Variants in FBXL20 observed in about 807,000 individuals in gnomAD.
FBXL20 encodes the protein F-box and leucine rich repeat protein 20.
Under a neutral mutation model 64.0 loss-of-function variants are expected in FBXL20, and 11 were observed. That is an observed-to-expected ratio of 0.17 (90% CI 0.11 to 0.28). The LOEUF (loss-of-function observed/expected upper bound fraction) is 0.28, where lower values mean the gene tolerates loss of function less well. FBXL20 is among the 10% of genes least tolerant of loss of function. FBXL20 has a pLI of 1.00. For synonymous variants in FBXL20, 184 were observed against 189.0 expected (o/e 0.97, Z 0.22); for missense variants, 303 against 526.2 (o/e 0.58, Z 4.15).
chr17:39,338,943 G>C (rs2047555314), intron 2 of FBXL20, among the ~76,000 whole-genome samples: 2 of 152,110 alleles, frequency 1.3e-5, no homozygotes, highest in Non-Finnish European at 2.9e-5. Flanking sequence ...GAGGTGGACA[G>C]ATCATTCAAG....
chr17:39,283,389 A>C (rs1320516643), intron 7 of FBXL20, among the ~76,000 whole-genome samples: 1 of 152,114 alleles, frequency 6.6e-6, no homozygotes, highest in Non-Finnish European at 1.5e-5. Flanking sequence ...TGAGTGTCAC[A>C]TTGATACTCA....
chr17:39,272,168 C>G (rs555910096), intron 10 of FBXL20, among the ~76,000 whole-genome samples: 1 of 151,812 alleles, frequency 6.6e-6, no homozygotes, highest in African/African-American at 2.4e-5. Flanking sequence ...AGGCGGATCA[C>G]GAGGTCAGGA....
At chr17:39,358,249 T>C (rs568399445) in intron 1 of FBXL20, among the ~76,000 whole-genome samples, 49 of 152,340 alleles carry the variant, frequency 3.2e-4, no homozygotes, top group African/African-American at 1.2e-3. Context: ...GATTGGATGA[T>C]GCTGGCCCAC....
intron 2 of FBXL20, among the ~76,000 whole-genome samples, chr17:39,309,878 G>A (rs1470849782): frequency 1.3e-5 from 2 of 151,520 alleles, no homozygotes; most frequent in Non-Finnish European, 2.9e-5. Context: ...GCCAGGTGTG[G>A]TGGCTCACAC....
intron 5 of FBXL20, 180 bp from the exon 6 acceptor site, chr17:39,297,375 C>A: frequency 5.0e-6 from 2 of 401,410 alleles, no homozygotes; most frequent in South Asian, 1.1e-4. Context: ...TCCCTAAAAT[C>A]TTTGTAATTT....
Position 39,353,686 on chromosome 17 carries a change from A to C in FBXL20, c.43-10445T>G, listed in dbSNP as rs190689848. ...TTGCCAGGCTGGAGTGCAGTGGCAC[A>C]ATCTTGGCTCACTGCAACCTCCACC... On this transcript the variant is annotated intron_variant, in intron 1 of 14. Coordinates refer to ENST00000264658, the MANE Select transcript of FBXL20 (RefSeq NM_032875.3). Among the ~76,000 whole-genome samples the C allele has an allele frequency of 1.2e-3, 184 of 151,926 alleles. 1 individual carries two copies. The highest frequency in any genetic ancestry group is 2.2e-3 in the Non-Finnish European group (152 of 67,980).
chr17:39,310,167 A>G (rs1200856485), intron 2 of FBXL20, among the ~76,000 whole-genome samples: 1 of 149,152 alleles, frequency 6.7e-6, no homozygotes, highest in East Asian at 2.0e-4. Context: ...AAAAAAAAAA[A>G]AGAAAAGAAA....
intron 5 of FBXL20, among the ~76,000 whole-genome samples, chr17:39,298,693 G>T (rs1286638552): frequency 6.6e-6 from 1 of 152,078 alleles, no homozygotes; most frequent in Non-Finnish European, 1.5e-5. Context: ...CAGCCTGGGT[G>T]ATAGTGTGAG....
chr17:39,369,066 T>C (rs987040646), intron 1 of FBXL20, among the ~76,000 whole-genome samples: 5 of 152,152 alleles, frequency 3.3e-5, no homozygotes, highest in Admixed American at 2.6e-4. Flanking sequence ...CTTATTATCA[T>C]TTTAATGCTA....
intron 1 of FBXL20, among the ~76,000 whole-genome samples, chr17:39,355,855 CAAAAAAAAA>C (rs746086439): frequency 1.2e-4 from 8 of 67,616 alleles, no homozygotes; most frequent in African/African-American, 3.7e-4. Flanking sequence ...GACTTCGTCT[CAAAAAAAAA>C]AAAAAAAAAA....
chr17:39,330,847 C>G (rs1292815789), intron 2 of FBXL20, among the ~76,000 whole-genome samples: 1 of 152,096 alleles, frequency 6.6e-6, no homozygotes, highest in Non-Finnish European at 1.5e-5. Flanking sequence ...TACAGAGAGG[C>G]AGCATCCAAT....
chr17:39,359,533 G>A (rs2047774426), intron 1 of FBXL20, among the ~76,000 whole-genome samples: 1 of 152,118 alleles, frequency 6.6e-6, no homozygotes, highest in African/African-American at 2.4e-5. Context: ...AACCCGGGAG[G>A]CGGAGGTTGC....
chr17:39,379,223 A>G (rs1233325304), intron 1 of FBXL20, among the ~76,000 whole-genome samples: 1 of 151,058 alleles, frequency 6.6e-6, no homozygotes, highest in East Asian at 1.9e-4. Context: ...AAAAAAATAA[A>G]TAAATAAAAT....
intron 2 of FBXL20, among the ~76,000 whole-genome samples, chr17:39,337,933 C>G (rs1357047777): frequency 6.6e-6 from 1 of 151,450 alleles, no homozygotes; most frequent in Non-Finnish European, 1.5e-5. Context: ...AGCCCCCCGC[C>G]CGGCCAGCTG....
chr17:39,323,661 C>A (rs1306486367), intron 2 of FBXL20, among the ~76,000 whole-genome samples: 4 of 152,142 alleles, frequency 2.6e-5, no homozygotes, highest in African/African-American at 9.7e-5. Context: ...TTTCAGTTTT[C>A]AATAAGCCTC....
In FBXL20 at chr17:39,309,752, G is replaced by A. The variant is rs148513994; in HGVS notation, c.105-6113C>T. ...GGTTGCAGTGAGCCGAGATCATGCC[G>A]CTGCACTCCAGCCTAGGTGACAGAG... On this transcript the variant is annotated intron_variant, in intron 2 of 14. Transcript: ENST00000264658. 5.1e-3 allele frequency among the ~76,000 whole-genome samples: 746 copies of A among 146,560 alleles called. 3 individuals are homozygous for A. Among genetic ancestry groups the A allele is most frequent in the Non-Finnish European group, 7.2e-3 (481 of 67,096 alleles).
intron 11 of FBXL20, 138 bp from the exon 12 acceptor site, chr17:39,269,009 AT>A (rs966178873): frequency 3.2e-5 from 23 of 724,494 alleles, no homozygotes; most frequent in African/African-American, 7.1e-5. Context: ...TGTCATGCTA[AT>A]TTTTTTTTCT....
intron 6 of FBXL20, among the ~76,000 whole-genome samples, chr17:39,294,080 G>C (rs1450771722): frequency 6.6e-6 from 1 of 151,730 alleles, no homozygotes; most frequent in Non-Finnish European, 1.5e-5. Flanking sequence ...GTTTTGTTTA[G>C]TTTTCTAGTT....
chr17:39,272,718 A>AGAAAGAAAG (rs58951166), intron 10 of FBXL20, among the ~76,000 whole-genome samples: 7 of 79,890 alleles, frequency 8.8e-5, no homozygotes, highest in African/African-American at 1.8e-4. Flanking sequence ...AAAAAAAAAA[A>AGAAAGAAAG]AAAGAAAGAA....
Sources: gnomAD v4.1 joint callset for allele counts (sites outside exome capture counted in the v4.1 genomes callset) on GRCh38, gnomAD v4.1.1 for gene constraint, MANE v1.5 for transcripts, NCBI Gene and HGNC (gene_info 2026-07-23, HGNC 2026-07-21) for gene names.